Variants in TBCK observed in about 807,000 individuals in gnomAD.
TBCK encodes TBC1 domain containing kinase, also known as TBC domain-containing protein kinase-like protein.
TBCK carries 99 observed loss-of-function variants against 113.4 expected under a neutral mutation model. That is an observed-to-expected ratio of 0.87 (90% confidence interval 0.74 to 1.03). The LOEUF is 1.03. Ranked by LOEUF, TBCK falls within the 50% of genes least tolerant of loss-of-function variation. The probability of loss-of-function intolerance (pLI) is 0.00; values close to 1 mark genes in which losing one functional copy is unlikely to be tolerated. For missense variants in TBCK, 1,045 were observed against 1,061.3 expected, an observed-to-expected ratio of 0.98 and a Z score of 0.21; for synonymous variants, 369 against 370.8, an observed-to-expected ratio of 1.00 and a Z score of 0.05.
chr4:106,221,204 C>T (rs1757637727), intron 19 of TBCK, among the ~76,000 whole-genome samples: 2 of 152,206 alleles, frequency 1.3e-5, no homozygotes, highest in South Asian at 4.2e-4. Context: ...AGGCTGGTCT[C>T]GAACTCCTGA....
intron 3 of TBCK, among the ~76,000 whole-genome samples, chr4:106,284,425 C>G (rs1157171720): frequency 6.6e-6 from 1 of 152,090 alleles, no homozygotes; most frequent in Non-Finnish European, 1.5e-5. Context: ...TAAGTCAGAT[C>G]ATGTTTTCCA....
chr4:106,230,373 A>C lies in TBCK; in HGVS notation c.1764T>G (p.His588Gln), dbSNP rs541114727. The C allele has an allele frequency of 3.1e-6, 5 of 1,590,482 alleles. No homozygotes were observed. In the African/African-American group the frequency reaches 6.7e-5, roughly 21 times the overall value. The stretch of plus-strand genomic sequence containing the variant: ...AAGACATTTGCTTACCTTGTATTAC[A>C]TGTGAGTTGTCTTTTAAGAAGAAGT... The part of the protein sequence containing the change: ...LYNFFLKDNS[H>Q]VIQEYLTVFS... The change falls in exon 19 of 26, where the codon CAT (histidine) becomes CAG (glutamine). Residue 588 changes from histidine to glutamine, a missense_variant. Physicochemically the swap from His to Gln is conservative, Grantham distance 24. Coordinates refer to ENST00000394708, the MANE Select transcript of TBCK (RefSeq NM_001163435.3).
At chr4:106,126,878 C>T (rs1319266801) in intron 23 of TBCK, among the ~76,000 whole-genome samples, 1 of 152,170 alleles carries the variant, frequency 6.6e-6, no homozygotes, top group Non-Finnish European at 1.5e-5. Flanking sequence ...ATGACAGTTG[C>T]TACCATTTAA....
chr4:106,131,188 T>A (rs572804567), intron 23 of TBCK, among the ~76,000 whole-genome samples: 4 of 152,226 alleles, frequency 2.6e-5, no homozygotes, highest in Non-Finnish European at 5.9e-5. Flanking sequence ...ATGTAAGATA[T>A]GACTTTGCTC....
chr4:106,185,705 A>G (rs552712760), intron 22 of TBCK, among the ~76,000 whole-genome samples: 1 of 152,224 alleles, frequency 6.6e-6, no homozygotes, highest in South Asian at 2.1e-4. Flanking sequence ...GGGTTCAGGA[A>G]GCACCCTTTC....
At chr4:106,133,643 A>T (rs1746217016) in intron 23 of TBCK, among the ~76,000 whole-genome samples, 1 of 152,240 alleles carries the variant, frequency 6.6e-6, no homozygotes, top group South Asian at 2.1e-4. Flanking sequence ...AGAAATTTTT[A>T]AATAAACTGA....
At chr4:106,175,097 T>C (rs59940336) in intron 22 of TBCK, among the ~76,000 whole-genome samples, 6,765 of 151,230 alleles carry the variant, frequency 0.045, 512 homozygotes, top group African/African-American at 0.15. Context: ...TGTATCACGC[T>C]TGTACTCCAG....
chr4:106,199,599 G>A (rs980507550), intron 20 of TBCK, among the ~76,000 whole-genome samples: 2 of 151,942 alleles, frequency 1.3e-5, no homozygotes, highest in East Asian at 1.9e-4. Context: ...ATCCTAAAAC[G>A]AGCTTCTGAG....
chr4:106,110,376 C>T (rs546213148), intron 24 of TBCK, among the ~76,000 whole-genome samples: 22 of 152,166 alleles, frequency 1.4e-4, no homozygotes, highest in East Asian at 1.9e-4. Context: ...GAAAAGACTG[C>T]GCAGTCAGTA....
chr4:106,271,192 T>C (rs1237337435), intron 3 of TBCK, among the ~76,000 whole-genome samples: 1 of 152,108 alleles, frequency 6.6e-6, no homozygotes, highest in Admixed American at 6.5e-5. Context: ...CTCAATACTA[T>C]GATATAAGGA....
intron 3 of TBCK, among the ~76,000 whole-genome samples, chr4:106,282,985 C>T (rs183284289): frequency 6.6e-6 from 1 of 152,142 alleles, no homozygotes; most frequent in East Asian, 1.9e-4. Context: ...CCCAGAGCCA[C>T]AAGAAAAGAA....
chr4:106,234,949 C>T (rs1218709375), intron 15 of TBCK, among the ~76,000 whole-genome samples: 1 of 152,108 alleles, frequency 6.6e-6, no homozygotes, highest in East Asian at 1.9e-4. Flanking sequence ...TATTCTATAA[C>T]AAGCATACTT....
intron 19 of TBCK, among the ~76,000 whole-genome samples, chr4:106,225,467 T>G (rs970904409): frequency 2.3e-4 from 34 of 149,544 alleles, no homozygotes; most frequent in African/African-American, 7.0e-4. Flanking sequence ...GTCTTTTTTT[T>G]GTTTGTTTTT....
At chr4:106,278,450 T>G (rs996853592) in intron 3 of TBCK, among the ~76,000 whole-genome samples, 1 of 149,534 alleles carries the variant, frequency 6.7e-6, no homozygotes, top group Non-Finnish European at 1.5e-5. Flanking sequence ...TCCCAGCTAT[T>G]CGGGAGGCTG....
At chr4:106,124,328 A>C (rs989706602) in intron 23 of TBCK, among the ~76,000 whole-genome samples, 1 of 152,024 alleles carries the variant, frequency 6.6e-6, no homozygotes, top group Non-Finnish European at 1.5e-5. Context: ...TTAGAATGGC[A>C]ATCATTAAAA....
intron 23 of TBCK, among the ~76,000 whole-genome samples, chr4:106,159,572 G>T (rs1749520210): frequency 6.6e-6 from 1 of 151,972 alleles, no homozygotes; most frequent in South Asian, 2.1e-4. Flanking sequence ...GAATTAACCA[G>T]GGAGGTGAAA....
intron 23 of TBCK, among the ~76,000 whole-genome samples, chr4:106,158,926 A>G (rs1193098132): frequency 6.6e-6 from 1 of 152,100 alleles, no homozygotes; most frequent in Non-Finnish European, 1.5e-5. Context: ...ATTCAAAAGC[A>G]TATTAAAATT....
intron 23 of TBCK, among the ~76,000 whole-genome samples, chr4:106,127,786 C>T (rs970135682): frequency 6.6e-6 from 1 of 151,826 alleles, no homozygotes; most frequent in African/African-American, 2.4e-5. Flanking sequence ...AAGAAAGATG[C>T]CAAGCACAAT....
chr4:106,273,481 G>T (rs915480106), intron 3 of TBCK, among the ~76,000 whole-genome samples: 1 of 152,152 alleles, frequency 6.6e-6, no homozygotes, highest in Non-Finnish European at 1.5e-5. Flanking sequence ...TAGCTTGTCT[G>T]AAAGGAGGCC....
Sources: allele counts gnomAD v4.1 joint callset (sites outside exome capture counted in the v4.1 genomes callset), GRCh38; gene constraint gnomAD v4.1.1; transcripts MANE v1.5; gene names NCBI Gene and HGNC (gene_info 2026-07-23, HGNC 2026-07-21).